The following PATJ variants were observed in gnomAD, a reference collection of about 807,000 sequenced individuals.
The protein encoded by PATJ is PATJ crumbs cell polarity complex component, also known as inaD-like protein.
A neutral mutation model predicts 224.9 loss-of-function variants in PATJ; 190 were observed. That is an observed-to-expected ratio of 0.84 (90% confidence interval 0.75 to 0.95). The LOEUF (loss-of-function observed/expected upper bound fraction) is 0.95, where lower values mean the gene tolerates loss of function less well. PATJ is among the 40% of genes least tolerant of loss of function. The pLI is 0.00. For missense variants in PATJ, 2,121 were observed against 2,270.3 expected (o/e 0.93, Z 1.34); for synonymous variants, 769 against 820.3 (o/e 0.94, Z 1.07).
At chr1:62,032,013 A>AC (rs1464431648) in intron 29 of PATJ, among the ~76,000 whole-genome samples, 1 of 152,106 alleles carries the variant, frequency 6.6e-6, no homozygotes, top group Non-Finnish European at 1.5e-5. Flanking sequence ...AAATTACCAA[A>AC]ATTGAACGGC....
intron 29 of PATJ, among the ~76,000 whole-genome samples, chr1:62,028,774 A>C (rs955962568): frequency 3.3e-5 from 5 of 151,590 alleles, no homozygotes; most frequent in Admixed American, 6.6e-5. Context: ...ACAGAAGAAG[A>C]CTGTGTTTAA....
intron 29 of PATJ, among the ~76,000 whole-genome samples, chr1:62,021,601 T>A (rs1465213222): frequency 1.3e-5 from 2 of 152,180 alleles, no homozygotes; most frequent in East Asian, 3.8e-4. Flanking sequence ...ATATATATAT[T>A]TCTGTAACTC....
chr1:62,117,137 AC>A lies in PATJ; in HGVS notation c.4810del (p.Gln1604ArgfsTer6). The A allele has an allele frequency of 3.1e-6, 5 of 1,613,840 alleles. No homozygotes were observed. Among genetic ancestry groups the A allele is most frequent in the Non-Finnish European group, 4.2e-6 (5 of 1,179,816 alleles). ...ETVATILKCA[Q>X]GLVQLEIGRL... ...TCTTTTCTTGCCTTTCCAAGTGTGC[AC>A]AGGGACTTGTGCAGCTAGAGATTGG... On this transcript the variant is annotated frameshift_variant, in exon 37 of 44. Coordinates refer to ENST00000642238, the MANE Select transcript of PATJ (RefSeq NM_001350145.3). LOFTEE classifies it high-confidence loss of function.
At chr1:61,785,739 AATG>A (rs1299535422) in intron 7 of PATJ, among the ~76,000 whole-genome samples, 1 of 152,206 alleles carries the variant, frequency 6.6e-6, no homozygotes, top group East Asian at 1.9e-4. Context: ...AAAGAAGGGA[AATG>A]ATGAACACTT....
In PATJ at chr1:61,886,819, C is replaced by CAAAA. The variant is rs35950461; in HGVS notation, c.3131+2420_3131+2423dup. On this transcript the variant is annotated intron_variant, in intron 22 of 43. Coordinates refer to ENST00000642238, the MANE Select transcript of PATJ (RefSeq NM_001350145.3). Reference sequence around the variant, plus strand: ...TGGGCAACAGAGCAAGACCCCATCTCAAAAAAAAAAAATTAGCCTGTTGTG... The same window carrying CAAAA: ...TGGGCAACAGAGCAAGACCCCATCTCAAAAAAAAAAAAAAAATTAGCCTGTTGTG... Among the ~76,000 whole-genome samples, 9 of 87,500 alleles carry CAAAA rather than the reference C, an allele frequency of 1.0e-4. 3 individuals carry two copies. Among genetic ancestry groups the CAAAA allele is most frequent in the Admixed American group, 5.9e-4 (5 of 8,440 alleles). The allele number at this position is 87,500 out of a possible 152,430, so 57.4% of individuals were successfully genotyped here.
intron 33 of PATJ, among the ~76,000 whole-genome samples, chr1:62,102,178 CAAATAAAT>C (rs112794744): frequency 2.3e-4 from 35 of 150,144 alleles, no homozygotes; most frequent in South Asian, 1.3e-3. Context: ...GACCCTGTCT[CAAATAAAT>C]AAATAAATAA....
chr1:61,865,979 G>T (rs1665363270), intron 20 of PATJ, among the ~76,000 whole-genome samples: 1 of 151,992 alleles, frequency 6.6e-6, no homozygotes, highest in African/African-American at 2.4e-5. Context: ...GACCCTGGAG[G>T]ATTCACCATG....
intron 33 of PATJ, among the ~76,000 whole-genome samples, chr1:62,106,065 T>TAA (rs1662898146): frequency 1.1e-4 from 2 of 18,222 alleles, no homozygotes; most frequent in African/African-American, 4.4e-4. Flanking sequence ...AAAAAAAAAA[T>TAA]ATATATATAT....
intron 3 of PATJ, among the ~76,000 whole-genome samples, chr1:61,764,746 G>T (rs1315065383): frequency 6.6e-6 from 1 of 152,128 alleles, no homozygotes; most frequent in African/African-American, 2.4e-5. Flanking sequence ...GTGTCTTTCT[G>T]TGAATTGCTT....
At chr1:61,936,579 AT>A (rs918305787) in intron 27 of PATJ, among the ~76,000 whole-genome samples, 1 of 151,390 alleles carries the variant, frequency 6.6e-6, no homozygotes, top group Non-Finnish European at 1.5e-5. Context: ...TTGTACTTCT[AT>A]TTTTTTTGAG....
intron 41 of PATJ, among the ~76,000 whole-genome samples, chr1:62,144,330 T>G (rs1006920716): frequency 6.6e-6 from 1 of 152,202 alleles, no homozygotes; most frequent in Non-Finnish European, 1.5e-5. Context: ...AATAGGATGC[T>G]TCACCCAAAA....
At chr1:61,775,378 A>G in intron 7 of PATJ, 44 bp downstream of exon 7, 3 of 1,549,862 alleles carry the variant, frequency 1.9e-6, no homozygotes, top group Non-Finnish European at 2.6e-6. Flanking sequence ...TATAAAATTT[A>G]AGTTGTATGA....
chr1:61,874,115 C>T (rs1667031523), intron 20 of PATJ, among the ~76,000 whole-genome samples: 1 of 152,116 alleles, frequency 6.6e-6, no homozygotes, highest in Non-Finnish European at 1.5e-5. Flanking sequence ...TCATAAATGT[C>T]ATCCTTTAGC....
intron 31 of PATJ, among the ~76,000 whole-genome samples, chr1:62,057,764 A>T (rs1018747198): frequency 6.6e-6 from 1 of 152,206 alleles, no homozygotes; most frequent in African/African-American, 2.4e-5. Flanking sequence ...CTCTGAATGC[A>T]GGTTTAGAGC....
chr1:61,807,150 A>AAAAAC (rs902486917), intron 13 of PATJ, among the ~76,000 whole-genome samples: 10 of 152,172 alleles, frequency 6.6e-5, no homozygotes, highest in African/African-American at 9.7e-5. Context: ...ACTCCACCTC[A>AAAAAC]AAAACAAAAC....
chr1:62,010,199 G>T lies in PATJ; in HGVS notation c.3868-7657G>T, dbSNP rs528270209. Among the ~76,000 whole-genome samples, 161 of 151,964 alleles carry T rather than the reference G, an allele frequency of 1.1e-3. 1 individual carries two copies. Among genetic ancestry groups the T allele is most frequent in the African/African-American group, 3.8e-3 (158 of 41,468 alleles). On this transcript the variant is annotated intron_variant, in intron 28 of 43. Coordinates refer to ENST00000642238, the MANE Select transcript of PATJ (RefSeq NM_001350145.3). ...TGTAGCAATCCAGTCCCATCTTCAGGCTCCACTTCTGATTCTAGTTCTCTG... is the reference window on the plus strand; with the variant it reads ...TGTAGCAATCCAGTCCCATCTTCAGTCTCCACTTCTGATTCTAGTTCTCTG...
rs75108095 is a variant in PATJ, at chr1:62,160,945, A to G, written c.5540A>G (p.Asp1847Gly). 1.9e-5 allele frequency: 30 copies of G among 1,614,048 alleles called. No homozygotes were observed. The East Asian group carries it at 6.7e-4, about 36-fold the overall frequency. ...AADDGRLKRG[D>G]QILAVNGETL... ...GATGACGGCCGATTAAAACGAGGGG[A>G]TCAGATTTTAGCTGTTAATGGCGAG... Residue 1847 changes from aspartate (D) to glycine (G), a missense_variant, in exon 44 of 44, where the codon GAT becomes GGT. By Grantham distance (94) the Asp-to-Gly change is moderately conservative. Transcript: ENST00000642238.
intron 1 of PATJ, among the ~76,000 whole-genome samples, chr1:61,746,078 G>A (rs1645008978): frequency 6.7e-6 from 1 of 150,100 alleles, no homozygotes; most frequent in Admixed American, 6.7e-5. Context: ...TCAGGTGTGC[G>A]CCACCACCAC....
chr1:61,869,796 CCACT>C (rs1666042154), intron 20 of PATJ, among the ~76,000 whole-genome samples: 1 of 152,194 alleles, frequency 6.6e-6, no homozygotes, highest in Non-Finnish European at 1.5e-5. Context: ...AGAGTAAACT[CCACT>C]CACTCAGACC....
Sources: allele counts gnomAD v4.1 joint callset (sites outside exome capture counted in the v4.1 genomes callset), GRCh38; gene constraint gnomAD v4.1.1; transcripts MANE v1.5; gene names NCBI Gene and HGNC (gene_info 2026-07-23, HGNC 2026-07-21).